Variants in AP5Z1 observed in about 807,000 individuals in gnomAD.
AP5Z1 encodes the protein AP-5 complex subunit zeta-1.
Under a neutral mutation model 83.0 loss-of-function variants are expected in AP5Z1, and 106 were observed. The observed-to-expected ratio is 1.28, with a 90% CI of 1.09 to 1.50. The LOEUF is 1.50. Ranked by LOEUF, AP5Z1 falls within the 40% of genes most tolerant of loss-of-function variation. The probability of loss-of-function intolerance (pLI) is 0.00; values close to 1 mark genes in which losing one functional copy is unlikely to be tolerated. For missense variants in AP5Z1, 1,565 were observed against 1,094.2 expected (o/e 1.43, Z -6.07); for synonymous variants, 751 against 514.1 (o/e 1.46, Z -6.23).
In AP5Z1 at chr7:4,789,191, C is replaced by T. The variant is rs570871659; in HGVS notation, c.1707+240C>T. Among the ~76,000 whole-genome samples the T allele has an allele frequency of 4.3e-4, 63 of 146,046 alleles. 2 individuals carry two copies. The South Asian group carries it at 0.013, about 30-fold the overall frequency. On this transcript the variant is annotated intron_variant, in intron 13 of 16. Transcript: ENST00000649063. ...CCAGTCCCCGTCCCATCCCCTTCAT[C>T]CCGGCAGGCCACGTCCCCCAATCCC... is the stretch of plus-strand genomic sequence containing the variant.
rs1369542124 is a variant in AP5Z1 at position 4,788,190 on chromosome 7, C to T, written c.1491C>T (p.Asp497=). 1.5e-5 allele frequency: 24 copies of T among 1,559,774 alleles called. No homozygotes were observed. The highest frequency in any genetic ancestry group is 2.4e-5 in the East Asian group (1 of 41,738). ...CTGCATCCGAGAGGCCACTCTGGGA[C>T]ACCTCTCTCAGGGCCCCCAGCTGCC... ...APAASERPLW[D]TSLRAPSCLE... is the part of the protein sequence containing the mutation. Residue 497 remains aspartate, a synonymous_variant, in exon 12 of 17, where the codon GAC becomes GAT. Coordinates refer to ENST00000649063, the MANE Select transcript of AP5Z1 (RefSeq NM_014855.3).
At chr7:4,786,228 C>G in intron 9 of AP5Z1, 22 bp from the exon 10 acceptor site, 1 of 1,579,170 alleles carries the variant, frequency 6.3e-7, no homozygotes, top group Non-Finnish European at 8.6e-7. Context: ...GACGTGTGCC[C>G]TGGCGGGCCC....
At chr7:4,789,291 T>C (rs1261762838) in intron 13 of AP5Z1, among the ~76,000 whole-genome samples, 1 of 151,958 alleles carries the variant, frequency 6.6e-6, no homozygotes, top group African/African-American at 2.4e-5. Context: ...CAGCAGGCCC[T>C]GTCTTCCGTC....
At chr7:4,789,038 C>A in intron 13 of AP5Z1, 87 bp downstream of exon 13, 1 of 1,197,500 alleles carries the variant, frequency 8.4e-7, no homozygotes, top group Non-Finnish European at 1.2e-6. Context: ...CCCTCTTGAG[C>A]TCTGCAGAAG....
At chr7:4,776,950 C>G (rs564195456) in intron 1 of AP5Z1, among the ~76,000 whole-genome samples, 3 of 152,088 alleles carry the variant, frequency 2.0e-5, no homozygotes, top group Non-Finnish European at 4.4e-5. Context: ...GGACTCAGAG[C>G]TAGACCAATT....
intron 13 of AP5Z1, 127 bp downstream of exon 13, chr7:4,789,078 T>A (rs528360544): frequency 1.2e-6 from 1 of 815,098 alleles, no homozygotes; most frequent in East Asian, 2.7e-5. Flanking sequence ...CCATCCACGG[T>A]CCCTGTGAGG....
chr7:4,789,583 G>A (rs972154720), intron 13 of AP5Z1, among the ~76,000 whole-genome samples: 16 of 152,226 alleles, frequency 1.1e-4, no homozygotes, highest in Non-Finnish European at 2.1e-4. Context: ...TTGCAGAGCG[G>A]GAGTTGGCAG....
At position 4,794,317 on chromosome 7, in the gene AP5Z1, A is replaced by G. The variant is rs1321775468; in HGVS notation, c.*2932A>G. The G allele has an allele frequency of 6.6e-6, 1 of 152,302 alleles. No individual in the cohort carries two copies. The highest frequency in any genetic ancestry group is 6.5e-5 in the Admixed American group (1 of 15,280). 9.4% of individuals were successfully genotyped at this position (152,302 alleles called of 1,614,324 possible). On this transcript the variant is annotated 3_prime_UTR_variant, in exon 17 of 17. Coordinates refer to ENST00000649063, the MANE Select transcript of AP5Z1 (RefSeq NM_014855.3). ...ATAAAAGCAGGCTGCCCGAGCCAGC[A>G]GTGACAACCCACTCGGGTCCCCTTC...
chr7:4,788,904 C>T lies in AP5Z1; in HGVS notation c.1660C>T (p.Gln554Ter), dbSNP rs772628303. The change falls in exon 13 of 17, where the codon CAG (glutamine) becomes TAG (stop). Residue 554 changes from glutamine (Q) to a stop codon, truncating the protein, a stop_gained. Transcript: ENST00000649063. LOFTEE classifies it high-confidence loss of function. The part of the protein sequence containing the change: ...AGCARVAQCA[Q>*]AVPTLLQAFF... ...CTGTGCCCGCGTGGCCCAGTGTGCC[C>T]AGGCCGTGCCCACGCTGCTGCAGGC... 2 of 1,611,364 alleles carry T rather than the reference C, an allele frequency of 1.2e-6. No individual in the cohort carries two copies. Among genetic ancestry groups the T allele is most frequent in the Admixed American group, 1.7e-5 (1 of 59,948 alleles).
intron 13 of AP5Z1, chr7:4,789,160 C>G (rs750149144): frequency 3.8e-6 from 2 of 532,750 alleles, no homozygotes; most frequent in South Asian, 2.4e-5. Flanking sequence ...CAGCAGGCCC[C>G]GTTCCCCAGT....
At chr7:4,789,652 TCC>T (rs1160347436) in intron 13 of AP5Z1, among the ~76,000 whole-genome samples, 178 bp from the exon 14 acceptor site, 1 of 152,156 alleles carries the variant, frequency 6.6e-6, no homozygotes, top group Non-Finnish European at 1.5e-5. Context: ...GCCCAGGGCT[TCC>T]CTCCCTGTGC....
In AP5Z1 at chr7:4,788,162, C is replaced by G; in HGVS notation, c.1463C>G (p.Pro488Arg). 4 of 1,552,006 alleles carry G rather than the reference C, an allele frequency of 2.6e-6. No individual in the cohort carries two copies. The highest frequency in any genetic ancestry group is 3.5e-6 in the Non-Finnish European group (4 of 1,148,594). Residue 488 changes from proline (P) to arginine (R), a missense_variant, in exon 12 of 17, where the codon CCG becomes CGG. Pro to Arg is a moderately radical substitution (Grantham distance 103). Transcript: ENST00000649063. Reference sequence around the variant, plus strand: ...GGCGTCTGTCCACGCAGGTCAGCACCGGCTGCATCCGAGAGGCCACTCTGG... The same window carrying G: ...GGCGTCTGTCCACGCAGGTCAGCACGGGCTGCATCCGAGAGGCCACTCTGG... The part of the protein sequence containing the change: ...AVLDLQLRSA[P>R]AASERPLWDT...
At chr7:4,779,318 TAAC>T in intron 1 of AP5Z1, among the ~76,000 whole-genome samples, 1 of 135,362 alleles carries the variant, frequency 7.4e-6, no homozygotes, top group South Asian at 2.4e-4. Context: ...GTATATAACA[TAAC>T]ACGTTATATA....
In AP5Z1 at chr7:4,783,721, G is replaced by A. The variant is rs1241714785; in HGVS notation, c.544G>A (p.Asp182Asn). 1.3e-6 allele frequency: 2 copies of A among 1,550,390 alleles called. No homozygotes were observed. The highest frequency in any genetic ancestry group is 2.4e-5 in the East Asian group (1 of 40,924). The change falls in exon 5 of 17, where the codon GAC becomes AAC. Residue 182 changes from aspartate to asparagine, a missense_variant. By Grantham distance (23) the Asp-to-Asn change is conservative. Transcript: ENST00000649063. ...CACCCTGCTCAGCAAGCGGCTGGTC[G>A]ACTGGCTGCGCTACGCCAGCCTCCA... ...QATLLSKRLV[D>N]WLRYASLQQG...
At position 4,785,391 on chromosome 7, in the gene AP5Z1, GCTGA is replaced by G. The variant is rs1781509504; in HGVS notation, c.932-21_932-18del. 6.2e-7 allele frequency: 1 copy of G among 1,611,810 alleles called. No individual in the cohort carries two copies. The highest frequency in any genetic ancestry group is 8.5e-7 in the Non-Finnish European group (1 of 1,178,856). ...CCACTCTAAGGCTGAGACAGAGCCG[GCTGA>G]CTTTTTCCCCTCCTTCCAGGAGCCC... On this transcript the variant is annotated intron_variant, in intron 7 of 16. Coordinates refer to ENST00000649063, the MANE Select transcript of AP5Z1 (RefSeq NM_014855.3).
At chr7:4,789,548 G>A (rs1342799745) in intron 13 of AP5Z1, among the ~76,000 whole-genome samples, 1 of 152,238 alleles carries the variant, frequency 6.6e-6, no homozygotes, top group Non-Finnish European at 1.5e-5. Context: ...GCGCACCCTT[G>A]GCCAAACAAG....
At position 4,783,756 on chromosome 7, in the gene AP5Z1, C is replaced by G. The variant is rs1010349689; in HGVS notation, c.579C>G (p.Leu193=). ...WLRYASLQQG[L]PHSGGFFSTP... The stretch of plus-strand genomic sequence containing the variant: ...GCTACGCCAGCCTCCAGCAAGGGCT[C>G]CCACACTCCGGCGGCTTCTTCTCCA... The change falls in exon 5 of 17, where the codon CTC becomes CTG. Residue 193 remains leucine, a synonymous_variant. Transcript: ENST00000649063. 6 of 1,550,696 alleles carry G rather than the reference C, an allele frequency of 3.9e-6. No individual in the cohort carries two copies. The African/African-American group carries it at 6.8e-5, about 18-fold the overall frequency.
In AP5Z1 at chr7:4,784,903, C is replaced by T. The variant is rs73671921; in HGVS notation, c.791-5C>T. The T allele has an allele frequency of 1.2e-3, 1,918 of 1,607,180 alleles. 17 individuals are homozygous for T. The African/African-American group carries it at 0.02, about 17-fold the overall frequency. On this transcript the variant is annotated splice_region_variant and splice_polypyrimidine_tract_variant and intron_variant, in intron 6 of 16. Coordinates refer to ENST00000649063, the MANE Select transcript of AP5Z1 (RefSeq NM_014855.3). ...CAGCCTGCTGAGAGTTCCCACCTCC[C>T]GCAGATGACAGGTCAGAGCAGGAGG...
rs764069318 is a variant in AP5Z1 at position 4,775,670 on chromosome 7, C to T, written c.-46C>T. The stretch of plus-strand genomic sequence containing the variant: ...GGGGTGCGGAGCTCCTGGGCTGCAG[C>T]TCCTGGAGTTTCCGAGGTTCGTGCG... On this transcript the variant is annotated 5_prime_UTR_variant, in exon 1 of 17. Coordinates refer to ENST00000649063, the MANE Select transcript of AP5Z1 (RefSeq NM_014855.3). 2 of 1,604,862 alleles carry T rather than the reference C, an allele frequency of 1.2e-6. No individual in the cohort carries two copies. Among genetic ancestry groups the T allele is most frequent in the Admixed American group, 1.7e-5 (1 of 59,914 alleles).
Sources: gnomAD v4.1 joint callset for allele counts (sites outside exome capture counted in the v4.1 genomes callset) on GRCh38, gnomAD v4.1.1 for gene constraint, MANE v1.5 for transcripts, NCBI Gene and HGNC (gene_info 2026-07-23, HGNC 2026-07-21) for gene names.